The following CNTNAP2 variants were observed in gnomAD, a reference collection of about 807,000 sequenced individuals.
CNTNAP2 encodes contactin associated protein 2.
Under a neutral mutation model 155.2 loss-of-function variants are expected in CNTNAP2, and 98 were observed. The ratio of observed to expected loss-of-function variants is 0.63; its 90% CI spans 0.54 to 0.75. The LOEUF (loss-of-function observed/expected upper bound fraction) is 0.75. Among genes scored for constraint, CNTNAP2 ranks in the 30% least tolerant of loss-of-function variants. The probability of loss-of-function intolerance (pLI) is 0.00; values close to 1 mark genes in which losing one functional copy is unlikely to be tolerated. For synonymous variants in CNTNAP2, 651 were observed against 631.2 expected (o/e 1.03, Z -0.47); for missense variants, 1,727 against 1,688.1 (o/e 1.02, Z -0.40).
At chr7:147,755,087 C>T (rs6976194) in intron 13 of CNTNAP2, among the ~76,000 whole-genome samples, 5 of 152,142 alleles carry the variant, frequency 3.3e-5, no homozygotes, top group African/African-American at 4.8e-5. Flanking sequence ...TGTAGTAAAT[C>T]GGGTGAAAAA....
intron 17 of CNTNAP2, among the ~76,000 whole-genome samples, chr7:148,166,160 T>C (rs1363739598): frequency 2.6e-5 from 4 of 152,032 alleles, no homozygotes; most frequent in Non-Finnish European, 4.4e-5. Context: ...CCATAGTGGC[T>C]ACCACCTTCT....
rs567683096 is a variant in CNTNAP2 at position 148,257,140 on chromosome 7, C to T, written c.3382-9893C>T. 7.9e-5 allele frequency among the ~76,000 whole-genome samples: 12 copies of T among 152,152 alleles called. No homozygotes were observed. In the South Asian group the frequency reaches 1.0e-3, roughly 13 times the overall value. ...TCACAGCACAGGGGCAAGGTCTAGG[C>T]GAGGGCACTGCATTCTCGCCTCTCC... On this transcript the variant is annotated intron_variant, in intron 20 of 23. Coordinates refer to ENST00000361727, the MANE Select transcript of CNTNAP2 (RefSeq NM_014141.6).
intron 10 of CNTNAP2, among the ~76,000 whole-genome samples, chr7:147,415,138 A>G (rs1797171149): frequency 6.6e-6 from 1 of 151,946 alleles, no homozygotes; most frequent in Non-Finnish European, 1.5e-5. Context: ...CCTCCCTCAA[A>G]ATGTGGTTTC....
intron 1 of CNTNAP2, among the ~76,000 whole-genome samples, chr7:146,341,761 A>G (rs1794733588): frequency 1.3e-5 from 2 of 152,150 alleles, no homozygotes; most frequent in South Asian, 4.1e-4. Flanking sequence ...GAACACAAAG[A>G]CAGGTTGAAA....
intron 18 of CNTNAP2, among the ~76,000 whole-genome samples, chr7:148,187,827 G>A (rs547160143): frequency 6.6e-6 from 1 of 152,108 alleles, no homozygotes; most frequent in East Asian, 1.9e-4. Context: ...ATGAGTAAAG[G>A]AATTCACAAA....
chr7:146,454,162 A>G (rs1796522045), intron 1 of CNTNAP2, among the ~76,000 whole-genome samples: 1 of 152,238 alleles, frequency 6.6e-6, no homozygotes, highest in African/African-American at 2.4e-5. Context: ...CAACATAGTG[A>G]CATACACAAA....
At chr7:147,513,534 T>A (rs1350275119) in intron 11 of CNTNAP2, among the ~76,000 whole-genome samples, 1 of 152,228 alleles carries the variant, frequency 6.6e-6, no homozygotes, top group Non-Finnish European at 1.5e-5. Flanking sequence ...ACATGTTGAT[T>A]ATAAAGCCTT....
intron 17 of CNTNAP2, among the ~76,000 whole-genome samples, chr7:148,151,869 T>A (rs1211832008): frequency 6.6e-6 from 1 of 152,064 alleles, no homozygotes; most frequent in Non-Finnish European, 1.5e-5. Context: ...AGCAGCAAAC[T>A]AAGGCCCAAG....
chr7:148,283,257 AAG>A (rs1453387277), intron 21 of CNTNAP2, among the ~76,000 whole-genome samples: 2,532 of 59,418 alleles, frequency 0.043, 161 homozygotes, highest in Middle Eastern at 0.068. Context: ...AAAAAAAAAA[AAG>A]AAAGAAAGAA....
intron 3 of CNTNAP2, among the ~76,000 whole-genome samples, chr7:146,852,831 C>T (rs1794905443): frequency 6.6e-6 from 1 of 152,150 alleles, no homozygotes; most frequent in Admixed American, 6.6e-5. Flanking sequence ...ACATTCCCTC[C>T]ACTTCAGATA....
chr7:147,889,854 G>GTA (rs1318034810), intron 13 of CNTNAP2, among the ~76,000 whole-genome samples: 1 of 152,102 alleles, frequency 6.6e-6, no homozygotes, highest in Non-Finnish European at 1.5e-5. Context: ...ATAACTGTGA[G>GTA]TCAATGCACA....
At chr7:146,744,295 G>T (rs2129181468) in intron 1 of CNTNAP2, among the ~76,000 whole-genome samples, 1 of 149,140 alleles carries the variant, frequency 6.7e-6, no homozygotes, top group Non-Finnish European at 1.5e-5. Flanking sequence ...TGAACAACCT[G>T]GTTAAATATC....
At chr7:146,387,329 C>T (rs1047480892) in intron 1 of CNTNAP2, among the ~76,000 whole-genome samples, 6 of 152,144 alleles carry the variant, frequency 3.9e-5, no homozygotes, top group African/African-American at 1.4e-4. Flanking sequence ...CATTCAAGAT[C>T]CTTGTCAGCT....
At chr7:146,314,368 A>G (rs373927931) in intron 1 of CNTNAP2, among the ~76,000 whole-genome samples, 1 of 152,176 alleles carries the variant, frequency 6.6e-6, no homozygotes, top group Non-Finnish European at 1.5e-5. Flanking sequence ...GATAGAAGCC[A>G]GTCCCTAGGA....
At chr7:146,486,189 C>T (rs1437416025) in intron 1 of CNTNAP2, among the ~76,000 whole-genome samples, 1 of 150,888 alleles carries the variant, frequency 6.6e-6, no homozygotes, top group Admixed American at 6.6e-5. Context: ...CTCAGCCTCC[C>T]GAGTAGCTGG....
intron 13 of CNTNAP2, among the ~76,000 whole-genome samples, chr7:147,719,126 TA>T (rs1796526140): frequency 6.6e-6 from 1 of 152,144 alleles, no homozygotes; most frequent in South Asian, 2.1e-4. Context: ...TTGCAAATAC[TA>T]ATGGGTGCTC....
At chr7:146,358,022 T>TTTTA (rs375240509) in intron 1 of CNTNAP2, among the ~76,000 whole-genome samples, 13,618 of 149,094 alleles carry the variant, frequency 0.091, 1,042 homozygotes, top group African/African-American at 0.21. Flanking sequence ...ATTTATTTAA[T>TTTTA]TTTATTTATT....
intron 22 of CNTNAP2, among the ~76,000 whole-genome samples, chr7:148,392,135 G>A (rs140839129): frequency 4.8e-4 from 72 of 150,316 alleles, no homozygotes; most frequent in African/African-American, 1.6e-3. Flanking sequence ...GTGTAGAGGC[G>A]TGATCTCGGC....
intron 1 of CNTNAP2, among the ~76,000 whole-genome samples, chr7:146,494,062 A>C (rs1047844681): frequency 2.6e-5 from 4 of 152,176 alleles, no homozygotes; most frequent in African/African-American, 9.7e-5. Context: ...GGCCGGAAAC[A>C]GTGGCTCACG....
Sources: allele counts gnomAD v4.1 joint callset (sites outside exome capture counted in the v4.1 genomes callset), GRCh38; gene constraint gnomAD v4.1.1; transcripts MANE v1.5; gene names NCBI Gene and HGNC (gene_info 2026-07-23, HGNC 2026-07-21).